Variants in ATOSA observed in about 807,000 individuals in gnomAD.
ATOSA encodes atos homolog protein A.
chr15:52,672,645 A>T, the ATOSA span, among the ~76,000 whole-genome samples: 1 of 152,058 alleles, frequency 6.6e-6, no homozygotes, highest in Non-Finnish European at 1.5e-5. Flanking sequence ...TTAACAACTA[A>T]TTTTTTTCTA....
chr15:52,609,254 TGATG>T, the ATOSA span: 2 of 1,613,636 alleles, frequency 1.2e-6, no homozygotes, highest in Non-Finnish European at 1.7e-6. Context: ...TTCCCATCAC[TGATG>T]TCTCCTAACA....
chr15:52,593,818 A>G, the ATOSA span: 1 of 1,320,496 alleles, frequency 7.6e-7, no homozygotes, highest in Non-Finnish European at 1.0e-6. Flanking sequence ...ATATACACTT[A>G]GTCTAAAGGC....
chr15:52,695,542 T>C, the ATOSA span, among the ~76,000 whole-genome samples: 6 of 152,216 alleles, frequency 3.9e-5, no homozygotes, highest in Admixed American at 3.3e-4. Context: ...AGCATCTACT[T>C]TGCACCAGTC....
the ATOSA span, among the ~76,000 whole-genome samples, chr15:52,621,873 A>G: frequency 6.7e-6 from 1 of 149,528 alleles, no homozygotes; most frequent in Non-Finnish European, 1.5e-5. Context: ...TTTTTGAGAC[A>G]CAGTCTTGTT....
the ATOSA span, among the ~76,000 whole-genome samples, chr15:52,684,662 T>TTTTGG: frequency 6.6e-6 from 1 of 152,356 alleles, no homozygotes; most frequent in South Asian, 2.1e-4. Flanking sequence ...AAGAAGTGAA[T>TTTTGG]CTAATTTTTT....
chr15:52,618,607 G>C, the ATOSA span, among the ~76,000 whole-genome samples: 1 of 152,164 alleles, frequency 6.6e-6, no homozygotes, highest in Non-Finnish European at 1.5e-5. Flanking sequence ...TCCTAGCAGG[G>C]AGTGGCTAAC....
chr15:52,610,047 T>G, the ATOSA span: 1 of 1,614,018 alleles, frequency 6.2e-7, no homozygotes, highest in Admixed American at 1.7e-5. Context: ...CAGTATATTC[T>G]GGACTTGGGC....
At chr15:52,635,736 G>A in the ATOSA span, among the ~76,000 whole-genome samples, 5 of 152,058 alleles carry the variant, frequency 3.3e-5, no homozygotes, top group Admixed American at 2.6e-4. Flanking sequence ...AGTGGCTCAC[G>A]CCTGTAATCC....
chr15:52,613,059 C>T, the ATOSA span, among the ~76,000 whole-genome samples: 1 of 151,914 alleles, frequency 6.6e-6, no homozygotes, highest in Non-Finnish European at 1.5e-5. Flanking sequence ...GTGGATGAGC[C>T]AGGGCTGAGA....
the ATOSA span, among the ~76,000 whole-genome samples, chr15:52,583,316 G>C: frequency 1.4e-4 from 22 of 152,322 alleles, no homozygotes; most frequent in African/African-American, 3.1e-4. Flanking sequence ...GCTGTCAAAT[G>C]CAAGTTTAAC....
chr15:52,651,963 G>C, the ATOSA span: 2 of 1,534,514 alleles, frequency 1.3e-6, no homozygotes, highest in Admixed American at 2.0e-5. Flanking sequence ...TATACTATCA[G>C]TAACTGAGGG....
the ATOSA span, among the ~76,000 whole-genome samples, chr15:52,663,894 C>T: frequency 7.8e-4 from 118 of 152,152 alleles, no homozygotes; most frequent in African/African-American, 2.7e-3. Context: ...CAAAACTTTC[C>T]TTAGTGAGAT....
the ATOSA span, chr15:52,601,241 T>G: frequency 2.3e-6 from 2 of 884,926 alleles, no homozygotes; most frequent in Non-Finnish European, 3.5e-6. Flanking sequence ...AAACACTTTT[T>G]AAATGAAATT....
At chr15:52,648,177 T>C in the ATOSA span, among the ~76,000 whole-genome samples, 3 of 152,294 alleles carry the variant, frequency 2.0e-5, no homozygotes, top group Admixed American at 6.5e-5. Context: ...TGAATCTAAG[T>C]AGTTTCGCAC....
the ATOSA span, among the ~76,000 whole-genome samples, chr15:52,661,089 ATAAT>A: frequency 2.0e-5 from 3 of 152,238 alleles, no homozygotes; most frequent in African/African-American, 7.2e-5. Context: ...ATATTTCTAA[ATAAT>A]TAGTTTATAC....
the ATOSA span, among the ~76,000 whole-genome samples, chr15:52,599,858 T>C: frequency 1.3e-5 from 2 of 152,190 alleles, no homozygotes; most frequent in Non-Finnish European, 2.9e-5. Flanking sequence ...GTCAAATCTA[T>C]GCTCCCGGCT....
chr15:52,616,307 C>T, the ATOSA span, among the ~76,000 whole-genome samples: 1 of 152,156 alleles, frequency 6.6e-6, no homozygotes, highest in East Asian at 1.9e-4. Context: ...TGAGACAAGT[C>T]ACTGAATGTT....
chr15:52,650,959 T>C, the ATOSA span, among the ~76,000 whole-genome samples: 1 of 152,234 alleles, frequency 6.6e-6, no homozygotes, highest in African/African-American at 2.4e-5. Context: ...AAAGACCTTT[T>C]GTTTATTAAA....
the ATOSA span, among the ~76,000 whole-genome samples, chr15:52,583,971 T>G: frequency 8.1e-4 from 122 of 150,532 alleles, 1 homozygote; most frequent in Non-Finnish European, 3.4e-4. Context: ...GCAAGGCATA[T>G]ATAAAGAAAG....
Sources: allele counts gnomAD v4.1 joint callset (sites outside exome capture counted in the v4.1 genomes callset), GRCh38; gene constraint gnomAD v4.1.1; transcripts MANE v1.5; gene names NCBI Gene and HGNC (gene_info 2026-07-23, HGNC 2026-07-21).